ANKRD55: variants seen among roughly 807,000 people sequenced by gnomAD.
ANKRD55 encodes ankyrin repeat domain-containing protein 55.
ANKRD55 carries 41 observed loss-of-function variants against 60.6 expected under a neutral mutation model. The ratio of observed to expected loss-of-function variants is 0.68; its 90% CI spans 0.53 to 0.88. The LOEUF is 0.88. Among genes scored for constraint, ANKRD55 ranks in the 40% least tolerant of loss-of-function variants. The pLI is 0.00. For synonymous variants in ANKRD55, 264 were observed against 290.3 expected, an observed-to-expected ratio of 0.91 and a Z score of 0.92; for missense variants, 732 against 767.6, an observed-to-expected ratio of 0.95 and a Z score of 0.55.
chr5:56,225,263 G>A (rs1760079873), intron 2 of ANKRD55, among the ~76,000 whole-genome samples: 1 of 152,074 alleles, frequency 6.6e-6, no homozygotes, highest in African/African-American at 2.4e-5. Flanking sequence ...TGCAGAAAAG[G>A]CTTTCGACAA....
intron 9 of ANKRD55, among the ~76,000 whole-genome samples, chr5:56,116,329 G>A (rs1255317077): frequency 2.0e-5 from 3 of 152,064 alleles, no homozygotes; most frequent in African/African-American, 7.2e-5. Flanking sequence ...AAAGGGAAGA[G>A]GAAAGAGAGA....
intron 2 of ANKRD55, among the ~76,000 whole-genome samples, chr5:56,219,958 A>G (rs188324904): frequency 1.3e-5 from 2 of 152,254 alleles, no homozygotes; most frequent in African/African-American, 2.4e-5. Flanking sequence ...ACAATTACTT[A>G]GTTCTGGCAC....
At chr5:56,169,955 G>C (rs553051670) in intron 5 of ANKRD55, among the ~76,000 whole-genome samples, 1 of 152,340 alleles carries the variant, frequency 6.6e-6, no homozygotes, top group African/African-American at 2.4e-5. Flanking sequence ...TAGACACAGA[G>C]GAATGGAGAA....
Position 56,211,880 on chromosome 5 carries a change from T to C in ANKRD55, c.58+20976A>G, listed in dbSNP as rs146489410. ...GCTGGCTGTACAACAGGGAGGGAAT[T>C]AAGGCTAGTGGTAATAGCACAAATA... is the stretch of plus-strand genomic sequence containing the variant. On this transcript the variant is annotated intron_variant, in intron 2 of 11. Transcript: ENST00000341048. 4.8e-4 allele frequency among the ~76,000 whole-genome samples: 73 copies of C among 152,298 alleles called. 1 individual carries two copies. The highest frequency in any genetic ancestry group is 1.7e-3 in the African/African-American group (70 of 41,556).
rs1757281646 is a variant in ANKRD55, at chr5:56,127,013, G to A, written c.706C>T (p.His236Tyr). Residue 236 changes from histidine to tyrosine, a missense_variant, in exon 8 of 12, where the codon CAT becomes TAT. Transcript: ENST00000341048. ...YDDESGKTCVHIAAAAGFSDI... is the reference protein window; with the variant it reads ...YDDESGKTCVYIAAAAGFSDI... ...CTGAAGCCCGCTGCCGCTGCGATATGTACACATGTCTTCCCACTCTCATCA... is the reference window on the plus strand; with the variant it reads ...CTGAAGCCCGCTGCCGCTGCGATATATACACATGTCTTCCCACTCTCATCA... The A allele has an allele frequency of 2.5e-6, 4 of 1,613,830 alleles. No homozygotes were observed. Among genetic ancestry groups the A allele is most frequent in the Non-Finnish European group, 3.4e-6 (4 of 1,179,968 alleles).
chr5:56,232,404 G>C lies in ANKRD55; in HGVS notation c.58+452C>G, dbSNP rs1760278387. On this transcript the variant is annotated intron_variant, in intron 2 of 11. Coordinates refer to ENST00000341048, the MANE Select transcript of ANKRD55 (RefSeq NM_024669.3). ...CTATTCCTGAAAGGAATAAAAAAAT[G>C]CTTACGAAGATACAGCAATGAGATA... Among the ~76,000 whole-genome samples the C allele has an allele frequency of 7.2e-5, 11 of 152,244 alleles. No homozygotes were observed. In the South Asian group the frequency reaches 2.3e-3, roughly 32 times the overall value.
chr5:56,131,158 C>CAAA (rs140702122), intron 7 of ANKRD55, among the ~76,000 whole-genome samples: 2 of 150,148 alleles, frequency 1.3e-5, no homozygotes, highest in East Asian at 3.9e-4. Flanking sequence ...CCAAAAACAA[C>CAAA]AAAAAAAAAC....
intron 2 of ANKRD55, among the ~76,000 whole-genome samples, chr5:56,190,693 C>G (rs895415000): frequency 6.6e-6 from 1 of 152,032 alleles, no homozygotes; most frequent in East Asian, 1.9e-4. Context: ...GGGCATGATG[C>G]CAACATGTGG....
intron 10 of ANKRD55, among the ~76,000 whole-genome samples, chr5:56,109,075 A>ACACACC (rs1756588997): frequency 7.4e-6 from 1 of 135,636 alleles, no homozygotes; most frequent in Non-Finnish European, 1.7e-5. Flanking sequence ...ACACACACAC[A>ACACACC]CACACCCCAC....
intron 10 of ANKRD55, among the ~76,000 whole-genome samples, chr5:56,104,359 T>C (rs987678421): frequency 6.6e-6 from 1 of 152,188 alleles, no homozygotes; most frequent in African/African-American, 2.4e-5. Context: ...TTCAACCCTA[T>C]AGGGCTGACC....
chr5:56,224,521 A>T (rs1288107949), intron 2 of ANKRD55, among the ~76,000 whole-genome samples: 1 of 152,160 alleles, frequency 6.6e-6, no homozygotes, highest in African/African-American at 2.4e-5. Context: ...GACACAAAAA[A>T]CCCTTCAAAA....
At chr5:56,150,962 A>G (rs1165877252) in intron 6 of ANKRD55, among the ~76,000 whole-genome samples, 1 of 152,208 alleles carries the variant, frequency 6.6e-6, no homozygotes, top group African/African-American at 2.4e-5. Context: ...TTCTTTCGCA[A>G]TCTTATATGT....
chr5:56,104,568 T>C (rs1554035830), intron 10 of ANKRD55, among the ~76,000 whole-genome samples: 2 of 152,032 alleles, frequency 1.3e-5, no homozygotes, highest in Non-Finnish European at 2.9e-5. Flanking sequence ...TGTTCAGCTT[T>C]GGGGACAGGG....
intron 6 of ANKRD55, among the ~76,000 whole-genome samples, chr5:56,147,993 T>C (rs1405564828): frequency 1.3e-5 from 2 of 152,218 alleles, no homozygotes; most frequent in Non-Finnish European, 2.9e-5. Flanking sequence ...AATTGGTATC[T>C]GTACTAAGCA....
intron 2 of ANKRD55, among the ~76,000 whole-genome samples, chr5:56,188,604 T>G (rs936164967): frequency 9.2e-5 from 14 of 152,226 alleles, no homozygotes; most frequent in African/African-American, 2.7e-4. Flanking sequence ...TCTTGGTGCC[T>G]TTGTTAAAAA....
At chr5:56,119,244 G>C (rs1370279634) in intron 8 of ANKRD55, among the ~76,000 whole-genome samples, 1 of 152,210 alleles carries the variant, frequency 6.6e-6, no homozygotes, top group Non-Finnish European at 1.5e-5. Flanking sequence ...ACTCAGTAGT[G>C]AAAAAGAACA....
At chr5:56,137,077 C>A in intron 7 of ANKRD55, 1 of 863,550 alleles carries the variant, frequency 1.2e-6, no homozygotes. Flanking sequence ...GTGAAATGCC[C>A]AGGCCATCAG....
chr5:56,126,848 A>G, intron 8 of ANKRD55, 74 bp downstream of exon 8: 2 of 1,499,998 alleles, frequency 1.3e-6, no homozygotes, highest in Non-Finnish European at 1.8e-6. Context: ...ACCTCCTTAA[A>G]CATCTCCTTT....
At chr5:56,147,505 A>G (rs1757928021) in intron 6 of ANKRD55, among the ~76,000 whole-genome samples, 1 of 152,204 alleles carries the variant, frequency 6.6e-6, no homozygotes, top group Admixed American at 6.5e-5. Flanking sequence ...GTTGGCAAAC[A>G]TTTATTTTTA....
Sources: allele counts gnomAD v4.1 joint callset (sites outside exome capture counted in the v4.1 genomes callset), GRCh38; gene constraint gnomAD v4.1.1; transcripts MANE v1.5; gene names NCBI Gene and HGNC (gene_info 2026-07-23, HGNC 2026-07-21).